Variants in SVEP1 observed in about 807,000 individuals in gnomAD.
The protein encoded by SVEP1 is sushi, von Willebrand factor type A, EGF and pentraxin domain containing 1.
Under a neutral mutation model 367.3 loss-of-function variants are expected in SVEP1, and 164 were observed. The ratio of observed to expected loss-of-function variants is 0.45; its 90% CI spans 0.39 to 0.51. SVEP1 has a LOEUF of 0.51. SVEP1 is among the 20% of genes least tolerant of loss of function. The probability of loss-of-function intolerance (pLI) is 0.00; values close to 1 mark genes in which losing one functional copy is unlikely to be tolerated. For missense variants in SVEP1, 4,117 were observed against 4,425.3 expected (o/e 0.93, Z 1.98); for synonymous variants, 1,666 against 1,611.6 (o/e 1.03, Z -0.81).
At position 110,472,342 on chromosome 9, in the gene SVEP1, G is replaced by C. The variant is rs202015175; in HGVS notation, c.2600-19C>G. 2.1e-6 allele frequency: 3 copies of C among 1,409,394 alleles called. No individual in the cohort carries two copies. The highest frequency in any genetic ancestry group is 1.9e-6 in the Non-Finnish European group (2 of 1,040,726). 87.3% of individuals were successfully genotyped at this position (1,409,394 alleles called of 1,614,324 possible). ...CCTGGTCCTGGATAGTCGGGGCAGA[G>C]ACACAAATGATCACACAGTTGCTTT... On this transcript the variant is annotated intron_variant, in intron 14 of 47. Coordinates refer to ENST00000374469, the MANE Select transcript of SVEP1 (RefSeq NM_153366.4).
chr9:110,390,820 T>C lies in SVEP1; in HGVS notation c.9823-1233A>G, dbSNP rs184455599. 8.2e-4 allele frequency among the ~76,000 whole-genome samples: 125 copies of C among 152,080 alleles called. 1 individual carries two copies. The highest frequency in any genetic ancestry group is 2.7e-3 in the African/African-American group (110 of 41,486). On this transcript the variant is annotated intron_variant, in intron 40 of 47. Transcript: ENST00000374469. ...TGCATTAAAAAAAAATCCTGTCTGA[T>C]GGAAAAATTCAAACATATGAGAAAT... is the stretch of plus-strand genomic sequence containing the variant.
At chr9:110,517,591 C>T (rs777519277) in intron 3 of SVEP1, among the ~76,000 whole-genome samples, 27 of 98,772 alleles carry the variant, frequency 2.7e-4, no homozygotes, top group Non-Finnish European at 4.7e-4. Context: ...GAGCAAGACG[C>T]TATCTCAAAA....
rs549817779 is a variant in SVEP1 at position 110,411,340 on chromosome 9, A to G, written c.6371T>C (p.Ile2124Thr). ...CCACTGCCCACCTCTCATACATTCA[A>G]TCTTTGCTGAGGTGTTCAGTACAAA... The part of the protein sequence containing the change: ...EGFVLNTSAK[I>T]ECMRGGQWNP... Residue 2124 changes from isoleucine (I) to threonine (T), a missense_variant, in exon 37 of 48, where the codon ATT (isoleucine) becomes ACT (threonine). Ile to Thr is a moderately conservative substitution (Grantham distance 89). Transcript: ENST00000374469. 72 of 1,613,920 alleles carry G rather than the reference A, an allele frequency of 4.5e-5. No individual in the cohort carries two copies. Among genetic ancestry groups the G allele is most frequent in the Non-Finnish European group, 5.5e-5 (65 of 1,179,912 alleles).
At chr9:110,416,322 G>A (rs1276236383) in intron 36 of SVEP1, among the ~76,000 whole-genome samples, 1 of 151,848 alleles carries the variant, frequency 6.6e-6, no homozygotes, top group Non-Finnish European at 1.5e-5. Flanking sequence ...ATGAAAAAAT[G>A]TTTGAAAAAT....
At chr9:110,387,678 C>G (rs957034253) in intron 41 of SVEP1, among the ~76,000 whole-genome samples, 11 of 152,120 alleles carry the variant, frequency 7.2e-5, no homozygotes, top group African/African-American at 2.7e-4. Context: ...CTTATTGACT[C>G]CAGCTGTCTT....
intron 14 of SVEP1, 45 bp downstream of exon 14, chr9:110,476,159 T>A (rs747984415): frequency 8.5e-7 from 1 of 1,181,556 alleles, no homozygotes; most frequent in East Asian, 2.3e-5. Context: ...ATTCTTATTT[T>A]GCAGATTAGT....
chr9:110,501,094 ATAAT>A (rs1374775177), intron 6 of SVEP1, among the ~76,000 whole-genome samples: 2 of 147,932 alleles, frequency 1.4e-5, no homozygotes, highest in East Asian at 1.9e-4. Context: ...ATATATTAAT[ATAAT>A]TAATATACAT....
chr9:110,446,033 ACT>A lies in SVEP1; in HGVS notation c.4265_4266del (p.Gln1422LeufsTer5). 1 of 1,608,152 alleles carries A rather than the reference ACT, an allele frequency of 6.2e-7. No homozygotes were observed. The highest frequency in any genetic ancestry group is 8.5e-7 in the Non-Finnish European group (1 of 1,176,840). ...GFSGKRCETE[Q>X]STGFNLDFEV... Reference sequence around the variant, plus strand: ...TCAAAATCCAGGTTAAAGCCTGTAGACTGTTCTGCAATGAATAAGAAAAGTGT... The same window carrying A: ...TCAAAATCCAGGTTAAAGCCTGTAGAGTTCTGCAATGAATAAGAAAAGTGT... On this transcript the variant is annotated frameshift_variant, in exon 26 of 48. Transcript: ENST00000374469. LOFTEE classifies it high-confidence loss of function.
chr9:110,517,315 G>A (rs1829817530), intron 3 of SVEP1, among the ~76,000 whole-genome samples: 2 of 151,786 alleles, frequency 1.3e-5, no homozygotes, highest in Admixed American at 1.3e-4. Context: ...TTTAAAATTA[G>A]GCTGGGCATG....
intron 3 of SVEP1, among the ~76,000 whole-genome samples, chr9:110,529,229 T>A (rs1327395362): frequency 6.6e-6 from 1 of 152,170 alleles, no homozygotes; most frequent in Non-Finnish European, 1.5e-5. Context: ...TACATTGGTC[T>A]ATATGTCTAC....
intron 3 of SVEP1, among the ~76,000 whole-genome samples, chr9:110,532,993 G>C (rs1210002263): frequency 6.6e-6 from 1 of 152,140 alleles, no homozygotes; most frequent in Non-Finnish European, 1.5e-5. Context: ...TTCCACTTCA[G>C]ATCATTTGGC....
chr9:110,431,799 C>T (rs1289861225), intron 32 of SVEP1, 116 bp downstream of exon 32: 1 of 1,335,496 alleles, frequency 7.5e-7, no homozygotes, highest in African/African-American at 1.5e-5. Context: ...ATCTGCCTAC[C>T]TGTATGCCCT....
At chr9:110,565,783 G>A (rs1161751859) in intron 1 of SVEP1, among the ~76,000 whole-genome samples, 2 of 151,818 alleles carry the variant, frequency 1.3e-5, no homozygotes, top group African/African-American at 4.8e-5. Context: ...CATGGCTGCC[G>A]TTTCTGCCTC....
chr9:110,528,156 G>GTGTGTGTGTGTGTATATATATATATATA, intron 3 of SVEP1, among the ~76,000 whole-genome samples: 5 of 33,948 alleles, frequency 1.5e-4, no homozygotes, highest in Non-Finnish European at 2.3e-4. Context: ...GTGTGTGTGT[G>GTGTGTGTGTGTGTATATATATATATATA]TATATATATA....
chr9:110,411,627 G>A lies in SVEP1; in HGVS notation c.6084C>T (p.Asp2028=). ...GATGGGCAGTCTCTGGAGAGGCGTG[G>A]TCCACAATGGGTGGCTCATCACAGG... ...AVSCDEPPIV[D]HASPETAHRL... is the part of the protein sequence containing the mutation. Residue 2028 remains aspartate, a synonymous_variant, in exon 37 of 48, where the codon GAC becomes GAT. Coordinates refer to ENST00000374469, the MANE Select transcript of SVEP1 (RefSeq NM_153366.4). The A allele has an allele frequency of 1.9e-6, 3 of 1,612,950 alleles. No homozygotes were observed. The highest frequency in any genetic ancestry group is 2.5e-6 in the Non-Finnish European group (3 of 1,179,492).
intron 40 of SVEP1, among the ~76,000 whole-genome samples, chr9:110,390,011 AAGTGTGTGTGTGT>A: frequency 8.7e-6 from 1 of 115,190 alleles, no homozygotes; most frequent in East Asian, 2.1e-4. Context: ...GTATACACAT[AAGTGTGTGTGTGT>A]GTGTATATAT....
At chr9:110,395,924 G>T (rs1337564705) in intron 40 of SVEP1, among the ~76,000 whole-genome samples, 1 of 151,354 alleles carries the variant, frequency 6.6e-6, no homozygotes, top group South Asian at 2.1e-4. Context: ...ACACCCCACT[G>T]TCAACATTAG....
rs147686036 is a variant in SVEP1, at chr9:110,409,723, G to A, written c.6649-772C>T. 1.6e-3 allele frequency among the ~76,000 whole-genome samples: 239 copies of A among 152,176 alleles called. 1 individual carries two copies. The highest frequency in any genetic ancestry group is 5.5e-3 in the African/African-American group (228 of 41,524). ...GTCTTAAGAATACTATCAAAATTTT[G>A]TTTATATTAACATATTTCTTAAAAA... On this transcript the variant is annotated intron_variant, in intron 37 of 47. Transcript: ENST00000374469.
At chr9:110,481,492 A>G in intron 11 of SVEP1, 56 bp from the exon 12 acceptor site, 4 of 1,296,004 alleles carry the variant, frequency 3.1e-6, no homozygotes, top group Non-Finnish European at 4.0e-6. Flanking sequence ...CATAAATTAA[A>G]TTCCAGGAGC....
Sources: gnomAD v4.1 joint callset for allele counts (sites outside exome capture counted in the v4.1 genomes callset) on GRCh38, gnomAD v4.1.1 for gene constraint, MANE v1.5 for transcripts, NCBI Gene and HGNC (gene_info 2026-07-23, HGNC 2026-07-21) for gene names.